Variants in FBXW7 observed in about 807,000 individuals in gnomAD.
FBXW7 encodes the protein F-box and WD repeat domain containing 7, also known as F-box/WD repeat-containing protein 7.
In FBXW7, 11 loss-of-function variants were observed where a neutral mutation model predicts 86.3. The observed-to-expected ratio is 0.13, with a 90% CI of 0.08 to 0.21. The LOEUF is 0.21. Ranked by LOEUF, FBXW7 falls within the 10% of genes least tolerant of loss-of-function variation. The pLI, the probability that FBXW7 is intolerant of heterozygous loss-of-function variation, is 1.00. For synonymous variants in FBXW7, 313 were observed against 297.9 expected (o/e 1.05, Z -0.52); for missense variants, 488 against 847.4 (o/e 0.58, Z 5.27).
chr4:152,366,060 C>T (rs892573699), intron 4 of FBXW7, among the ~76,000 whole-genome samples: 1 of 152,030 alleles, frequency 6.6e-6, no homozygotes. Context: ...AACAGAAAAC[C>T]ATTAATTTTG....
rs2126650000 is a variant in FBXW7, at chr4:152,350,110, C to A, written c.516G>T (p.Leu172Phe). Residue 172 changes from leucine (L) to phenylalanine (F), a missense_variant, in exon 5 of 14, where the codon TTG (leucine) becomes TTT (phenylalanine). By Grantham distance (22) the Leu-to-Phe change is conservative (BLOSUM62 0). Coordinates refer to ENST00000281708, the MANE Select transcript of FBXW7 (RefSeq NM_001349798.2). ...YTKTTKMKRK[L>F]DHGSEVRSFS... ...AAGAGCGGACCTCAGAACCATGGTC[C>A]AACTTTCTTTTCATCTATAAGGTAA... is the stretch of plus-strand genomic sequence containing the variant. 1 of 1,554,906 alleles carries A rather than the reference C, an allele frequency of 6.4e-7. No homozygotes were observed. The highest frequency in any genetic ancestry group is 1.2e-5 in the South Asian group (1 of 82,592).
intron 2 of FBXW7, among the ~76,000 whole-genome samples, chr4:152,531,088 C>T (rs77529790): frequency 6.6e-6 from 1 of 152,178 alleles, no homozygotes; most frequent in African/African-American, 2.4e-5. Flanking sequence ...AACATATACC[C>T]TCAAGGCTCT....
At chr4:152,515,135 T>C (rs1748357953) in intron 2 of FBXW7, among the ~76,000 whole-genome samples, 1 of 152,074 alleles carries the variant, frequency 6.6e-6, no homozygotes, top group Admixed American at 6.5e-5. Context: ...GAAGAATCAC[T>C]TTACCCCCAC....
chr4:152,355,008 C>G (rs1732232761), intron 4 of FBXW7, among the ~76,000 whole-genome samples: 1 of 152,018 alleles, frequency 6.6e-6, no homozygotes, highest in Admixed American at 6.6e-5. Context: ...ACAATTCTCC[C>G]TAATATCTTA....
intron 2 of FBXW7, among the ~76,000 whole-genome samples, chr4:152,423,915 C>A (rs1284328336): frequency 1.3e-5 from 2 of 152,040 alleles, no homozygotes; most frequent in East Asian, 3.8e-4. Context: ...AGTGTTGTTA[C>A]TTTTCTCAGA....
At chr4:152,352,462 T>C (rs1731908647) in intron 4 of FBXW7, 2 of 1,613,648 alleles carry the variant, frequency 1.2e-6, no homozygotes, top group Admixed American at 3.3e-5. Context: ...AGAAAACAGC[T>C]TACTTACTTT....
At chr4:152,431,443 TAA>T (rs1022070770) in intron 2 of FBXW7, among the ~76,000 whole-genome samples, 1 of 152,194 alleles carries the variant, frequency 6.6e-6, no homozygotes, top group African/African-American at 2.4e-5. Flanking sequence ...TCTAAGGGTT[TAA>T]AGCACAGGGG....
chr4:152,435,659 AT>A (rs1164460201), intron 2 of FBXW7, among the ~76,000 whole-genome samples: 2 of 151,950 alleles, frequency 1.3e-5, no homozygotes, highest in East Asian at 1.9e-4. Flanking sequence ...TGAGTAGACG[AT>A]TTTTTTTCTG....
chr4:152,451,844 A>T (rs954209550), intron 2 of FBXW7: 8 of 152,108 alleles, frequency 5.3e-5, no homozygotes, highest in Admixed American at 4.6e-4. Flanking sequence ...ACTATATTTT[A>T]AAAATTATTG....
At chr4:152,364,007 T>C (rs1348857152) in intron 4 of FBXW7, among the ~76,000 whole-genome samples, 1 of 152,304 alleles carries the variant, frequency 6.6e-6, no homozygotes, top group East Asian at 1.9e-4. Context: ...GTGATGTGAA[T>C]ATGAAATCCA....
chr4:152,403,422 G>A (rs1224249028), intron 4 of FBXW7, among the ~76,000 whole-genome samples: 1 of 150,746 alleles, frequency 6.6e-6, no homozygotes, highest in African/African-American at 2.4e-5. Context: ...AGGCTGCAGT[G>A]AGCTGAGATT....
At chr4:152,532,909 G>T (rs994860049) in intron 2 of FBXW7, among the ~76,000 whole-genome samples, 1 of 152,132 alleles carries the variant, frequency 6.6e-6, no homozygotes, top group African/African-American at 2.4e-5. Context: ...TTTTTGGCAG[G>T]ACGCGGTGTC....
At chr4:152,498,238 G>C (rs1383265411) in intron 2 of FBXW7, among the ~76,000 whole-genome samples, 1 of 152,066 alleles carries the variant, frequency 6.6e-6, no homozygotes, top group Non-Finnish European at 1.5e-5. Flanking sequence ...AGAAATTGCA[G>C]AGGGCACAAT....
chr4:152,517,724 C>G (rs147487397), intron 2 of FBXW7, among the ~76,000 whole-genome samples: 3 of 152,264 alleles, frequency 2.0e-5, no homozygotes, highest in African/African-American at 7.2e-5. Context: ...GGACACAGAA[C>G]AGTGCCTGTC....
intron 5 of FBXW7, 55 bp from the exon 6 acceptor site, chr4:152,347,126 G>C (rs2126637410): frequency 6.9e-7 from 1 of 1,457,622 alleles, no homozygotes; most frequent in East Asian, 2.3e-5. Context: ...AAACAAAAGT[G>C]AAAGCAAAGA....
At chr4:152,425,971 C>G (rs927715463) in intron 2 of FBXW7, among the ~76,000 whole-genome samples, 2 of 152,086 alleles carry the variant, frequency 1.3e-5, no homozygotes, top group African/African-American at 4.8e-5. Context: ...GGTAAAGAAG[C>G]AGGATCCCCA....
At chr4:152,453,190 G>C (rs1030398037) in intron 2 of FBXW7, among the ~76,000 whole-genome samples, 3 of 152,038 alleles carry the variant, frequency 2.0e-5, no homozygotes, top group East Asian at 3.8e-4. Context: ...TCAGAAAAAA[G>C]AAGAAAAAAA....
At chr4:152,428,218 T>C (rs961931014) in intron 2 of FBXW7, among the ~76,000 whole-genome samples, 1 of 152,102 alleles carries the variant, frequency 6.6e-6, no homozygotes, top group Non-Finnish European at 1.5e-5. Flanking sequence ...ACTGGTGTGG[T>C]TATGCTTGGA....
intron 2 of FBXW7, chr4:152,451,714 C>G (rs1741922784): frequency 6.6e-6 from 1 of 151,520 alleles, no homozygotes; most frequent in South Asian, 2.1e-4. Flanking sequence ...ATCACTTGAG[C>G]CCAGGAGGTG....
Sources: allele counts gnomAD v4.1 joint callset (sites outside exome capture counted in the v4.1 genomes callset), GRCh38; gene constraint gnomAD v4.1.1; transcripts MANE v1.5; gene names NCBI Gene and HGNC (gene_info 2026-07-23, HGNC 2026-07-21).